The following HDAC7 variants were observed in gnomAD, a reference collection of about 807,000 sequenced individuals.
HDAC7 encodes histone deacetylase 7.
In HDAC7, 26 loss-of-function variants were observed where a neutral mutation model predicts 115.5. The observed-to-expected ratio is 0.23, with a 90% CI of 0.16 to 0.31. The LOEUF is 0.31. Ranked by LOEUF, HDAC7 falls within the 10% of genes least tolerant of loss-of-function variation. The probability of loss-of-function intolerance (pLI) is 1.00; values close to 1 mark genes in which losing one functional copy is unlikely to be tolerated. For synonymous variants in HDAC7, 564 were observed against 550.9 expected, an observed-to-expected ratio of 1.02 and a Z score of -0.33; for missense variants, 1,068 against 1,329.0, an observed-to-expected ratio of 0.80 and a Z score of 3.05.
At position 47,784,120 on chromosome 12, in the gene HDAC7, G is replaced by A. The variant is rs771291212; in HGVS notation, c.2889C>T (p.Thr963=). Residue 963 remains threonine (T), a synonymous_variant, in exon 25 of 26, where the codon ACC becomes ACT. Coordinates refer to ENST00000080059, the MANE Select transcript of HDAC7 (RefSeq NM_015401.5). The part of the protein sequence containing the change: ...GADKEEVEAV[T]ALASLSVGIL... ...TGCCCACAGAGAGGGACGCCAGTGCGGTCACTGCCTCCACTTCTTCTTTGT... is the reference window on the plus strand; with the variant it reads ...TGCCCACAGAGAGGGACGCCAGTGCAGTCACTGCCTCCACTTCTTCTTTGT... The A allele has an allele frequency of 9.9e-6, 16 of 1,613,694 alleles. No individual in the cohort carries two copies. Among genetic ancestry groups the A allele is most frequent in the East Asian group, 6.7e-5 (3 of 44,890 alleles).
rs1223981896 is a variant in HDAC7 at position 47,785,405 on chromosome 12, C to G, written c.2773G>C (p.Ala925Pro). 6.2e-7 allele frequency: 1 copy of G among 1,611,870 alleles called. No individual in the cohort carries two copies. Among genetic ancestry groups the G allele is most frequent in the Non-Finnish European group, 8.5e-7 (1 of 1,179,056 alleles). Residue 925 changes from alanine to proline, a missense_variant, in exon 24 of 26, where the codon GCC (alanine) becomes CCC (proline). Transcript: ENST00000080059. ...PNLNAIRSLE[A>P]VIRVHSKYWG... ...CACTTACTGTGCACCCGGATCACGG[C>G]CTCCAGAGAGCGGATGGCATTGAGG...
In HDAC7 at chr12:47,793,360, C is replaced by G. The variant is rs904999223; in HGVS notation, c.1678+9G>C. The G allele has an allele frequency of 1.3e-6, 2 of 1,499,206 alleles. No individual in the cohort carries two copies. Among genetic ancestry groups the G allele is most frequent in the Non-Finnish European group, 1.8e-6 (2 of 1,114,162 alleles). 92.9% of individuals were successfully genotyped at this position (1,499,206 alleles called of 1,614,324 possible). A position where few individuals can be genotyped will look rare whatever the true frequency, so the allele number is the denominator to read the frequency against. On this transcript the variant is annotated intron_variant, in intron 13 of 25. Transcript: ENST00000080059. The surrounding 1 kb of genome is among the most constrained non-coding windows in gnomAD (Gnocchi z 4.5). ...CTCCCTCCACCCGCCACCCTCCTCC[C>G]GGTCTCACCTGTGGTGAAGGGCAGG...
In HDAC7 at chr12:47,798,473, C is replaced by T. The variant is rs962306941; in HGVS notation, c.349+89G>A. 3 of 1,221,578 alleles carry T rather than the reference C, an allele frequency of 2.5e-6. No homozygotes were observed. Among genetic ancestry groups the T allele is most frequent in the Non-Finnish European group, 3.6e-6 (3 of 837,602 alleles). 75.7% of individuals were successfully genotyped at this position (1,221,578 alleles called of 1,614,324 possible). A position where few individuals can be genotyped will look rare whatever the true frequency, so the allele number is the denominator to read the frequency against. ...CGGCTCAGGCCCAGCTGGCTGCGGC[C>T]CTCCCACCTCACCCCTCACAAGCCA... On this transcript the variant is annotated intron_variant, in intron 4 of 25. Coordinates refer to ENST00000080059, the MANE Select transcript of HDAC7 (RefSeq NM_015401.5). This position sits in a 1 kb window ranked among gnomAD's most constrained non-coding sequence, Gnocchi z 4.3.
At chr12:47,802,500 A>G (rs1286200793) in intron 1 of HDAC7, 13 of 1,550,446 alleles carry the variant, frequency 8.4e-6, no homozygotes, top group Admixed American at 2.0e-5. Flanking sequence ...TCCTCAAGTC[A>G]CTCATTCTAA....
In HDAC7 at chr12:47,782,828, ACACACACGCCTCACT is replaced by A. The variant is rs1190226606; in HGVS notation, c.*998_*1012del. The A allele has an allele frequency of 6.7e-6, 1 of 149,620 alleles. No homozygotes were observed. Among genetic ancestry groups the A allele is most frequent in the Non-Finnish European group, 1.5e-5 (1 of 67,148 alleles). The allele number at this position is 149,620 out of a possible 1,614,324, so 9.3% of individuals were successfully genotyped here. On this transcript the variant is annotated 3_prime_UTR_variant, in exon 26 of 26. Transcript: ENST00000080059. ...GTATGGTGGGTCCTAGGAAAGACAC[ACACACACGCCTCACT>A]CACACACACGCTCACACACACGCCT...
At chr12:47,789,487 C>A (rs763778723) in intron 18 of HDAC7, 36 bp downstream of exon 18, 84 of 1,609,964 alleles carry the variant, frequency 5.2e-5, no homozygotes, top group Non-Finnish European at 6.7e-5. Flanking sequence ...GGCTTGCCCC[C>A]CACCTCATCC....
At chr12:47,799,216 C>T (rs376354159) in intron 2 of HDAC7, 9 of 442,870 alleles carry the variant, frequency 2.0e-5, no homozygotes, top group African/African-American at 4.1e-5. Context: ...GGTGTTTGAA[C>T]GGAGTCTTCC....
chr12:47,785,732 G>A lies in HDAC7; in HGVS notation c.2706+20C>T, dbSNP rs775468223. ...TTACCTGCCTGACAGAAGCATGGAT[G>A]GGGGAGGGAGACGGCTCACCCTGTT... On this transcript the variant is annotated intron_variant, in intron 23 of 25. Coordinates refer to ENST00000080059, the MANE Select transcript of HDAC7 (RefSeq NM_015401.5). 13 of 1,597,078 alleles carry A rather than the reference G, an allele frequency of 8.1e-6. No homozygotes were observed. In the South Asian group the frequency reaches 1.5e-4, roughly 18 times the overall value.
Position 47,783,036 on chromosome 12 carries a change from A to G in HDAC7, c.*805T>C, listed in dbSNP as rs984042741. The G allele has an allele frequency of 6.6e-6, 1 of 152,536 alleles. No homozygotes were observed. Among genetic ancestry groups the G allele is most frequent in the African/African-American group, 2.4e-5 (1 of 41,416 alleles). The allele number at this position is 152,536 out of a possible 1,614,324, so 9.4% of individuals were successfully genotyped here. A position where few individuals can be genotyped will look rare whatever the true frequency, so the allele number is the denominator to read the frequency against. ...CCTATGTGGGGTGGGAATCAGAGCT[A>G]TGGTGGGGGAGGCCCCAGAAACAGA... On this transcript the variant is annotated 3_prime_UTR_variant, in exon 26 of 26. Transcript: ENST00000080059.
upstream of HDAC7, among the ~76,000 whole-genome samples, chr12:47,820,231 C>T (rs1944985583): frequency 6.6e-6 from 1 of 152,144 alleles, no homozygotes; most frequent in Non-Finnish European, 1.5e-5. The surrounding 1 kb of genome is among the most constrained non-coding windows in gnomAD (Gnocchi z 4.3). Flanking sequence ...AACCCAGCTA[C>T]CTGGGCGCAC....
chr12:47,810,226 G>A (rs768608935), intron 1 of HDAC7, among the ~76,000 whole-genome samples: 1 of 152,194 alleles, frequency 6.6e-6, no homozygotes, highest in Admixed American at 6.5e-5. Context: ...GATTACAGGC[G>A]TGAACCACTG....
chr12:47,795,602 C>A lies in HDAC7; in HGVS notation c.1072G>T (p.Ala358Ser). 6.4e-7 allele frequency: 1 copy of A among 1,561,462 alleles called. No homozygotes were observed. Among genetic ancestry groups the A allele is most frequent in the Non-Finnish European group, 8.7e-7 (1 of 1,153,052 alleles). Residue 358 changes from alanine (A) to serine (S), a missense_variant, in exon 10 of 26, where the codon GCC becomes TCC. Physicochemically the swap from Ala to Ser is moderately conservative, Grantham distance 99. Around this residue, in one of 6 missense-constraint regions of HDAC7, gnomAD observed 618 missense variants for 701.5 expected, o/e 0.88. Transcript: ENST00000080059. This position sits in a 1 kb window ranked among gnomAD's most constrained non-coding sequence, Gnocchi z 4.3. The part of the protein sequence containing the change: ...ILLLDPSGSH[A>S]PLLTVPGLGP... ...GCAGACTCACCAGTCAGCAGCGGGG[C>A]ATGAGAGCCTGAGGGGTCCAGGAGG...
intron 1 of HDAC7, among the ~76,000 whole-genome samples, chr12:47,806,234 G>T (rs1053533142): frequency 2.0e-5 from 3 of 152,266 alleles, no homozygotes; most frequent in African/African-American, 7.2e-5. Context: ...CAAACTGTGA[G>T]GGAATTGAAG....
In HDAC7 at chr12:47,795,628, A is replaced by T. The variant is rs1943777543; in HGVS notation, c.1046T>A (p.Leu349His). The T allele has an allele frequency of 6.4e-7, 1 of 1,559,616 alleles. No homozygotes were observed. The highest frequency in any genetic ancestry group is 8.7e-7 in the Non-Finnish European group (1 of 1,151,856). ...ATGAGAGCCTGAGGGGTCCAGGAGGAGAATGGGCTGCAGGCGAGAGGGCAA... is the reference window on the plus strand; with the variant it reads ...ATGAGAGCCTGAGGGGTCCAGGAGGTGAATGGGCTGCAGGCGAGAGGGCAA... ...GTLPSRLQPI[L>H]LLDPSGSHAP... Residue 349 changes from leucine (L) to histidine (H), a missense_variant, in exon 10 of 26, where the codon CTC (leucine) becomes CAC (histidine). Transcript: ENST00000080059. This position sits in a 1 kb window ranked among gnomAD's most constrained non-coding sequence, Gnocchi z 4.3.
rs1045829066 is a variant in HDAC7, at chr12:47,784,412, C to T, written c.2792-195G>A. ...CTCCCGCACAGCCTGACAGGGTACA[C>T]AGAGTGGGTTCAACATGGCTGTGAG... On this transcript the variant is annotated intron_variant, in intron 24 of 25. Transcript: ENST00000080059. 5 of 631,324 alleles carry T rather than the reference C, an allele frequency of 7.9e-6. No individual in the cohort carries two copies. In the African/African-American group the frequency reaches 9.2e-5, roughly 12 times the overall value. The allele number at this position is 631,324 out of a possible 1,614,324, so 39.1% of individuals were successfully genotyped here. A position where few individuals can be genotyped will look rare whatever the true frequency, so the allele number is the denominator to read the frequency against.
In HDAC7 at chr12:47,783,783, G is replaced by A; in HGVS notation, c.*58C>T. On this transcript the variant is annotated 3_prime_UTR_variant, in exon 26 of 26. Coordinates refer to ENST00000080059, the MANE Select transcript of HDAC7 (RefSeq NM_015401.5). ...ACCCAGGAATGGGGGCTATTGCCAG[G>A]GGTTAGAAGAGAACCAGGTCCCAAG... 1.3e-6 allele frequency: 2 copies of A among 1,555,530 alleles called. No homozygotes were observed. Among genetic ancestry groups the A allele is most frequent in the Non-Finnish European group, 1.8e-6 (2 of 1,136,406 alleles).
At chr12:47,806,530 A>T (rs1944411630) in intron 1 of HDAC7, among the ~76,000 whole-genome samples, 1 of 152,080 alleles carries the variant, frequency 6.6e-6, no homozygotes, top group African/African-American at 2.4e-5. Context: ...CTCTAACAAA[A>T]ATACAAAAAT....
intron 1 of HDAC7, among the ~76,000 whole-genome samples, chr12:47,805,062 GTCTTT>G (rs1054502483): frequency 2.0e-5 from 3 of 149,050 alleles, no homozygotes; most frequent in Admixed American, 6.7e-5. Context: ...TGCCTCCAGT[GTCTTT>G]TCTTAATTTT....
chr12:47,792,470 GC>G (rs1943583265), intron 13 of HDAC7: 1 of 342,136 alleles, frequency 2.9e-6, no homozygotes, highest in Non-Finnish European at 5.8e-6. Flanking sequence ...GAGCTAAGAA[GC>G]CCACGATGAC....
Sources: allele counts gnomAD v4.1 joint callset (sites outside exome capture counted in the v4.1 genomes callset), GRCh38; gene constraint gnomAD v4.1.1; regional missense constraint gnomAD v4.1.1; non-coding constraint Gnocchi (gnomAD v3.1); transcripts MANE v1.5; gene names NCBI Gene and HGNC (gene_info 2026-07-23, HGNC 2026-07-21).